Variants in PGLS observed in about 807,000 individuals in gnomAD.
PGLS encodes epididymis secretory protein Li 304.
Under a neutral mutation model 23.2 loss-of-function variants are expected in PGLS, and 21 were observed. That is an observed-to-expected ratio of 0.91 (90% CI 0.64 to 1.31). PGLS has a LOEUF of 1.31. Ranked by LOEUF, PGLS falls within the 50% of genes most tolerant of loss-of-function variation. The pLI is 0.00. For missense variants in PGLS, 410 were observed against 354.0 expected, an observed-to-expected ratio of 1.16 and a Z score of -1.27; for synonymous variants, 179 against 165.4, an observed-to-expected ratio of 1.08 and a Z score of -0.63.
chr19:17,517,621 G>C, intron 3 of PGLS, 89 bp from the exon 4 acceptor site: 1 of 1,438,458 alleles, frequency 7.0e-7, no homozygotes, highest in South Asian at 1.2e-5. Flanking sequence ...GGATGGAACA[G>C]TGGCTGGACC....
chr19:17,512,265 T>A, intron 1 of PGLS: 1 of 422,484 alleles, frequency 2.4e-6, no homozygotes, highest in Non-Finnish European at 4.3e-6. Context: ...CGGGGGCCGC[T>A]GGGGGTCTAG....
chr19:17,521,096 G>C lies in PGLS; in HGVS notation c.*15G>C, dbSNP rs371016308. 1,214 of 1,580,602 alleles carry C rather than the reference G, an allele frequency of 7.7e-4. 8 individuals carry two copies. In the African/African-American group the frequency reaches 0.015, roughly 19 times the overall value. ...CCACTTTGTAGCTGGCCAGAGGGAC[G>C]CCGCAGCTGGGACCAGGCACGCGGC... On this transcript the variant is annotated 3_prime_UTR_variant, in exon 5 of 5. Coordinates refer to ENST00000252603, the MANE Select transcript of PGLS (RefSeq NM_012088.3).
chr19:17,519,216 A>G (rs2075546518), intron 4 of PGLS, among the ~76,000 whole-genome samples: 1 of 150,714 alleles, frequency 6.6e-6, no homozygotes, highest in African/African-American at 2.4e-5. Flanking sequence ...CAGGAGCCTG[A>G]GGCAGGAGAA....
Position 17,520,945 on chromosome 19 carries a change from G to C in PGLS, c.641G>C (p.Arg214Pro), listed in dbSNP as rs1185073540. The C allele has an allele frequency of 6.3e-7, 1 of 1,591,970 alleles. No individual in the cohort carries two copies. Among genetic ancestry groups the C allele is most frequent in the African/African-American group, 1.3e-5 (1 of 74,428 alleles). ...TTACTCTTCTGCCCTCTTCTTCAGC[G>C]CATTTTGGAGGACCAGGAGGAAAAC... ...TGEGKAAVLK[R>P]ILEDQEENPL... Residue 214 changes from arginine (R) to proline (P), a missense_variant and splice_region_variant, in exon 5 of 5, where the codon CGC (arginine) becomes CCC (proline). Transcript: ENST00000252603.
Position 17,520,975 on chromosome 19 carries a change from T to A in PGLS, c.671T>A (p.Leu224Gln). ...RILEDQEENP[L>Q]PAALVQPHTG... Reference sequence around the variant, plus strand: ...TTGGAGGACCAGGAGGAAAACCCGCTGCCCGCCGCCCTGGTCCAGCCCCAC... The same window carrying A: ...TTGGAGGACCAGGAGGAAAACCCGCAGCCCGCCGCCCTGGTCCAGCCCCAC... Residue 224 changes from leucine (L) to glutamine (Q), a missense_variant, in exon 5 of 5, where the codon CTG (leucine) becomes CAG (glutamine). Physicochemically the swap from Leu to Gln is moderately radical, Grantham distance 113 (BLOSUM62 -2). Transcript: ENST00000252603. 1 of 1,598,244 alleles carries A rather than the reference T, an allele frequency of 6.3e-7. No individual in the cohort carries two copies. Among genetic ancestry groups the A allele is most frequent in the Non-Finnish European group, 8.5e-7 (1 of 1,171,872 alleles).
intron 1 of PGLS, among the ~76,000 whole-genome samples, chr19:17,513,990 C>T (rs1334077483): frequency 6.6e-6 from 1 of 152,152 alleles, no homozygotes; most frequent in African/African-American, 2.4e-5. Context: ...AGGCCAAAGC[C>T]GTGTGATGGG....
chr19:17,512,282 G>A (rs1172344361), intron 1 of PGLS: 13 of 393,196 alleles, frequency 3.3e-5, no homozygotes, highest in Non-Finnish European at 5.6e-5. Flanking sequence ...CTAGCCGACA[G>A]GGCTCGCCCG....
chr19:17,515,988 C>T (rs555910331), intron 1 of PGLS, 185 bp from the exon 2 acceptor site: 2 of 524,254 alleles, frequency 3.8e-6, no homozygotes, highest in Non-Finnish European at 3.6e-6. Flanking sequence ...TTCCAGCATT[C>T]CAGAGGTGAC....
rs551026561 is a variant in PGLS at position 17,520,883 on chromosome 19, A to T, written c.640-61A>T. 14 of 1,468,768 alleles carry T rather than the reference A, an allele frequency of 9.5e-6. No homozygotes were observed. In the African/African-American group the frequency reaches 1.7e-4, roughly 18 times the overall value. The allele number at this position is 1,468,768 out of a possible 1,614,324, so 91.0% of individuals were successfully genotyped here. A position where few individuals can be genotyped will look rare whatever the true frequency, so the allele number is the denominator to read the frequency against. On this transcript the variant is annotated intron_variant, in intron 4 of 4. Transcript: ENST00000252603. ...TTATCCTTGGTTGGGGAGCCAGGAGAGTGCCGAGGGGCGGTGCCTGGGCCG... is the reference window on the plus strand; with the variant it reads ...TTATCCTTGGTTGGGGAGCCAGGAGTGTGCCGAGGGGCGGTGCCTGGGCCG...
chr19:17,513,726 C>T (rs1051509539), intron 1 of PGLS, among the ~76,000 whole-genome samples: 8 of 151,894 alleles, frequency 5.3e-5, no homozygotes, highest in Non-Finnish European at 1.2e-4. Context: ...GGCTGAAGCA[C>T]GAGAATCGCT....
At position 17,521,209 on chromosome 19, in the gene PGLS, C is replaced by T; in HGVS notation, c.*128C>T. ...TGCTGCTGCTGGAAGCCAACAGCCT[C>T]CGGCCAGCAGCCCTACCCGGGGCTC... On this transcript the variant is annotated 3_prime_UTR_variant, in exon 5 of 5. Transcript: ENST00000252603. 6.2e-6 allele frequency: 6 copies of T among 967,550 alleles called. No individual in the cohort carries two copies. The South Asian group carries it at 1.1e-4, about 17-fold the overall frequency. The allele number at this position is 967,550 out of a possible 1,614,324, so 59.9% of individuals were successfully genotyped here. A position where few individuals can be genotyped will look rare whatever the true frequency, so the allele number is the denominator to read the frequency against.
At chr19:17,519,314 C>CAAA (rs58361133) in intron 4 of PGLS, among the ~76,000 whole-genome samples, 7 of 137,680 alleles carry the variant, frequency 5.1e-5, no homozygotes, top group African/African-American at 1.9e-4. Flanking sequence ...AACTCAGTCT[C>CAAA]AAAAAAAAAA....
intron 2 of PGLS, chr19:17,516,572 T>A: frequency 1.0e-6 from 1 of 996,428 alleles, no homozygotes; most frequent in Non-Finnish European, 1.3e-6. Context: ...GCGTTACAGC[T>A]ACTTGTATTT....
At chr19:17,512,482 T>C in intron 1 of PGLS, 1 of 154,896 alleles carries the variant, frequency 6.5e-6, no homozygotes, top group Non-Finnish European at 1.4e-5. Context: ...TGCCCATAAC[T>C]CAGCCCCGTA....
At position 17,521,051 on chromosome 19, in the gene PGLS, C is replaced by T. The variant is rs1485302333; in HGVS notation, c.747C>T (p.Thr249=). ...FLDEAAARLL[T]VPFEKHSTL ...ACGAGGCGGCCGCCCGCCTCCTGACCGTGCCCTTCGAGAAGCATTCCACTT... is the reference window on the plus strand; with the variant it reads ...ACGAGGCGGCCGCCCGCCTCCTGACTGTGCCCTTCGAGAAGCATTCCACTT... Residue 249 remains threonine (T), a synonymous_variant, in exon 5 of 5, where the codon ACC becomes ACT. Transcript: ENST00000252603. The T allele has an allele frequency of 4.4e-6, 7 of 1,602,554 alleles. No homozygotes were observed. Among genetic ancestry groups the T allele is most frequent in the South Asian group, 1.1e-5 (1 of 89,392 alleles).
At position 17,511,848 on chromosome 19, in the gene PGLS, C is replaced by A. The variant is rs11541444; in HGVS notation, c.176C>A (p.Pro59His). 6.5e-7 allele frequency: 1 copy of A among 1,530,892 alleles called. No individual in the cohort carries two copies. The highest frequency in any genetic ancestry group is 1.4e-5 in the African/African-American group (1 of 70,566). 94.8% of individuals were successfully genotyped at this position (1,530,892 alleles called of 1,614,324 possible). Reference sequence around the variant, plus strand: ...GTCTCGATGCTAGCCCGCGAGCTACCCGCCGCCGTCGCCCCTGCCGGGCCA... The same window carrying A: ...GTCTCGATGCTAGCCCGCGAGCTACACGCCGCCGTCGCCCCTGCCGGGCCA... ...SLVSMLAREL[P>H]AAVAPAGPAS... The change falls in exon 1 of 5, where the codon CCC becomes CAC. Residue 59 changes from proline to histidine, a missense_variant. By Grantham distance (77) the Pro-to-His change is moderately conservative. Transcript: ENST00000252603.
intron 2 of PGLS, 23 bp downstream of exon 2, chr19:17,516,303 A>G: frequency 6.2e-7 from 1 of 1,606,986 alleles, no homozygotes; most frequent in Non-Finnish European, 8.5e-7. Context: ...GAGCGGCCGC[A>G]AGGGAGTCAC....
chr19:17,520,026 G>C (rs1056560806), intron 4 of PGLS, among the ~76,000 whole-genome samples: 1 of 152,146 alleles, frequency 6.6e-6, no homozygotes, highest in Non-Finnish European at 1.5e-5. Context: ...AGTGCCATGT[G>C]CCTGTGGTCC....
intron 1 of PGLS, 89 bp downstream of exon 1, chr19:17,512,049 C>G: frequency 1.5e-6 from 2 of 1,333,300 alleles, no homozygotes; most frequent in South Asian, 2.9e-5. Context: ...GGGGGCCATG[C>G]CGAAAGGGCC....
Sources: gnomAD v4.1 joint callset for allele counts (sites outside exome capture counted in the v4.1 genomes callset) on GRCh38, gnomAD v4.1.1 for gene constraint, MANE v1.5 for transcripts, NCBI Gene and HGNC (gene_info 2026-07-23, HGNC 2026-07-21) for gene names.